MCF2L: variants seen among roughly 807,000 people sequenced by gnomAD.
The protein encoded by MCF2L is guanine nucleotide exchange factor DBS.
Under a neutral mutation model 153.4 loss-of-function variants are expected in MCF2L, and 97 were observed. The observed-to-expected ratio is 0.63, with a 90% CI of 0.54 to 0.75. The LOEUF is 0.75. MCF2L is among the 30% of genes least tolerant of loss of function. The probability of loss-of-function intolerance (pLI) is 0.00; values close to 1 mark genes in which losing one functional copy is unlikely to be tolerated. For synonymous variants in MCF2L, 659 were observed against 632.2 expected (o/e 1.04, Z -0.64); for missense variants, 1,347 against 1,495.2 (o/e 0.90, Z 1.64).
chr13:113,083,517 C>A (rs2034347999), intron 17 of MCF2L, among the ~76,000 whole-genome samples: 1 of 152,228 alleles, frequency 6.6e-6, no homozygotes, highest in Non-Finnish European at 1.5e-5. Flanking sequence ...TGCCCCAAAT[C>A]CATCCCCCAG....
At chr13:113,062,254 G>A (rs1479288206) in intron 5 of MCF2L, among the ~76,000 whole-genome samples, 2 of 152,120 alleles carry the variant, frequency 1.3e-5, no homozygotes, top group Non-Finnish European at 2.9e-5. Context: ...GGATGAGCTA[G>A]GCATTGCGTG....
rs569389592 is a variant in MCF2L at position 112,993,639 on chromosome 13, G to A, written c.80-21124G>A. On this transcript the variant is annotated intron_variant, in intron 1 of 29. Transcript: ENST00000535094. The surrounding 1 kb of genome is among the most constrained non-coding windows in gnomAD (Gnocchi z 4.6). Reference sequence around the variant, plus strand: ...GGGATGTTTCTTGGAGAGAGGGAGCGAGAAGTCATCGTCAATGGCCCCACG... The same window carrying A: ...GGGATGTTTCTTGGAGAGAGGGAGCAAGAAGTCATCGTCAATGGCCCCACG... Among the ~76,000 whole-genome samples, 2 of 152,068 alleles carry A rather than the reference G, an allele frequency of 1.3e-5. No individual in the cohort carries two copies. The highest frequency in any genetic ancestry group is 2.9e-5 in the Non-Finnish European group (2 of 68,020).
intron 1 of MCF2L, among the ~76,000 whole-genome samples, chr13:112,981,963 C>T (rs2082445811): frequency 6.6e-6 from 1 of 152,200 alleles, no homozygotes; most frequent in African/African-American, 2.4e-5. Context: ...TTTGTGTTTC[C>T]AGGCCTGGAC....
chr13:113,066,330 G>T (rs993924338), intron 8 of MCF2L, among the ~76,000 whole-genome samples, 160 bp downstream of exon 8: 1 of 152,252 alleles, frequency 6.6e-6, no homozygotes, highest in East Asian at 1.9e-4. Flanking sequence ...CGGCCTCCGA[G>T]CCTCTGTGTG....
chr13:113,001,583 C>T (rs1434894868), intron 1 of MCF2L: 1 of 729,502 alleles, frequency 1.4e-6, no homozygotes, highest in African/African-American at 1.9e-5. Flanking sequence ...AGTGTGGGGC[C>T]CCTGCAGGGA....
Position 113,033,289 on chromosome 13 carries a change from A to G in MCF2L, c.278+8531A>G, listed in dbSNP as rs77531400. Among the ~76,000 whole-genome samples the G allele has an allele frequency of 5.1e-3, 155 of 30,474 alleles. 2 individuals are homozygous for G. The highest frequency in any genetic ancestry group is 0.013 in the East Asian group (8 of 598). 20.0% of individuals were successfully genotyped at this position (30,474 alleles called of 152,430 possible). A position where few individuals can be genotyped will look rare whatever the true frequency, so the allele number is the denominator to read the frequency against. On this transcript the variant is annotated intron_variant, in intron 3 of 29. Transcript: ENST00000535094. ...CCGTGGCGTGAGTGGCCCCTGTGAC[A>G]TTAGTGGACCCCGTGGCGTGAGTGG...
At position 112,904,795 on chromosome 13, in the gene MCF2L, C is replaced by A. The variant is rs1306003386; in HGVS notation, c.169+2424C>A. ...GCTCTCAGGCCCTGCCTGCACCACA[C>A]CTGCTCCGTCTCCAGGTGACCTGGG... On this transcript the variant is annotated intron_variant, in intron 2 of 29. Coordinates refer to the MCF2L transcript ENST00000375608. This position sits in a 1 kb window ranked among gnomAD's most constrained non-coding sequence, Gnocchi z 4.2. 3.3e-5 allele frequency among the ~76,000 whole-genome samples: 5 copies of A among 152,272 alleles called. No individual in the cohort carries two copies. Among genetic ancestry groups the A allele is most frequent in the Admixed American group, 3.3e-4 (5 of 15,292 alleles).
In MCF2L at chr13:113,089,643, G is replaced by T. The variant is rs1389262989; in HGVS notation, c.2868G>T (p.Lys956Asn). 20 of 1,613,890 alleles carry T rather than the reference G, an allele frequency of 1.2e-5. No homozygotes were observed. The highest frequency in any genetic ancestry group is 1.7e-5 in the Non-Finnish European group (20 of 1,179,908). ...GAGGAAACTCAAGGAACATCAAGAA[G>T]CTGGAAGAAAGGAAAACAGACCCCC... ...PSRGNSRNIK[K>N]LEERKTDPLS... The change falls in exon 26 of 30, where the codon AAG becomes AAT. Residue 956 changes from lysine (K) to asparagine (N), a missense_variant. Around this residue, in one of 3 missense-constraint regions of MCF2L, gnomAD observed 383 missense variants for 335.4 expected, o/e 1.14. Transcript: ENST00000535094.
intron 2 of MCF2L, among the ~76,000 whole-genome samples, chr13:112,954,382 A>G (rs1185203538): frequency 6.6e-6 from 1 of 151,988 alleles, no homozygotes; most frequent in African/African-American, 2.4e-5. Context: ...AACCTCGAGG[A>G]GGCAGCACCC....
At chr13:113,044,915 G>C (rs1270514729) in intron 3 of MCF2L, 2 of 1,609,256 alleles carry the variant, frequency 1.2e-6, no homozygotes, top group Non-Finnish European at 1.7e-6. Flanking sequence ...TGTTTTGGAG[G>C]GTTTAGTCAG....
Position 113,046,717 on chromosome 13 carries a change from C to G in MCF2L, c.369+1356C>G. On this transcript the variant is annotated intron_variant, in intron 4 of 29. Coordinates refer to ENST00000535094, the MANE Select transcript of MCF2L (RefSeq NM_001112732.3). The surrounding 1 kb of genome is among the most constrained non-coding windows in gnomAD (Gnocchi z 4.4). ...GATGAGGCATCTCCTTGCACCCCCA[C>G]GGCACCTCTCTGCCCCTCGCCGCGG... 1 of 516,410 alleles carries G rather than the reference C, an allele frequency of 1.9e-6. No individual in the cohort carries two copies. The highest frequency in any genetic ancestry group is 4.0e-6 in the Non-Finnish European group (1 of 250,042). The allele number at this position is 516,410 out of a possible 1,614,324, so 32.0% of individuals were successfully genotyped here. A position where few individuals can be genotyped will look rare whatever the true frequency, so the allele number is the denominator to read the frequency against.
At chr13:112,900,997 A>G (rs1315044245) in intron 1 of MCF2L, among the ~76,000 whole-genome samples, 1 of 151,994 alleles carries the variant, frequency 6.6e-6, no homozygotes, top group Non-Finnish European at 1.5e-5. Context: ...TTCAGGTTGG[A>G]GGGAGGCAGG....
chr13:112,976,153 T>G (rs2082205171), intron 1 of MCF2L, among the ~76,000 whole-genome samples: 1 of 147,884 alleles, frequency 6.8e-6, no homozygotes, highest in South Asian at 2.2e-4. Context: ...TTTTTTTTTT[T>G]GTTTGCTTGT....
At chr13:112,989,369 G>A (rs28556765) in intron 1 of MCF2L, among the ~76,000 whole-genome samples, 2,198 of 59,726 alleles carry the variant, frequency 0.037, 506 homozygotes, top group African/African-American at 0.075. Flanking sequence ...TACCACGCCA[G>A]AGTCCTCCCT....
intron 2 of MCF2L, among the ~76,000 whole-genome samples, chr13:112,910,809 G>A (rs1183114810): frequency 6.6e-6 from 1 of 152,264 alleles, no homozygotes; most frequent in East Asian, 1.9e-4. Context: ...CACCTTCCTG[G>A]TGGCTGTCTC....
chr13:112,970,538 G>A (rs908438106), intron 1 of MCF2L, among the ~76,000 whole-genome samples: 1 of 152,158 alleles, frequency 6.6e-6, no homozygotes, highest in Non-Finnish European at 1.5e-5. Flanking sequence ...TCTGAAGCTT[G>A]AGTGGAGCTT....
chr13:112,923,413 G>C (rs998937784), intron 2 of MCF2L, among the ~76,000 whole-genome samples: 1 of 151,640 alleles, frequency 6.6e-6, no homozygotes, highest in East Asian at 1.9e-4. Flanking sequence ...ACAGGCGCCC[G>C]CCACCACGCC....
chr13:113,007,287 C>T (rs1168224050), intron 1 of MCF2L, among the ~76,000 whole-genome samples: 1 of 152,180 alleles, frequency 6.6e-6, no homozygotes. Context: ...CATGAAAATG[C>T]AAGCTGGTGA....
At chr13:112,961,186 C>T (rs916046010) in intron 2 of MCF2L, among the ~76,000 whole-genome samples, 28 of 152,118 alleles carry the variant, frequency 1.8e-4, no homozygotes, top group Non-Finnish European at 1.2e-4. Flanking sequence ...TCTGAAGATG[C>T]GGGCTGCTAA....
Sources: gnomAD v4.1 joint callset for allele counts (sites outside exome capture counted in the v4.1 genomes callset) on GRCh38, gnomAD v4.1.1 for gene constraint, gnomAD v4.1.1 regional missense constraint, Gnocchi (gnomAD v3.1) non-coding constraint, MANE v1.5 for transcripts, NCBI Gene and HGNC (gene_info 2026-07-23, HGNC 2026-07-21) for gene names.